The following CLPB variants were observed in gnomAD, a reference collection of about 807,000 sequenced individuals.
CLPB encodes mitochondrial disaggregase.
A neutral mutation model predicts 78.4 loss-of-function variants in CLPB; 40 were observed. The observed-to-expected ratio is 0.51, with a 90% CI of 0.40 to 0.66. The LOEUF (loss-of-function observed/expected upper bound fraction) is 0.66. Ranked by LOEUF, CLPB falls within the 30% of genes least tolerant of loss-of-function variation. CLPB has a pLI of 0.00. For missense variants in CLPB, 780 were observed against 886.9 expected (o/e 0.88, Z 1.53); for synonymous variants, 333 against 348.0 (o/e 0.96, Z 0.48).
intron 5 of CLPB, among the ~76,000 whole-genome samples, chr11:72,356,179 G>C (rs1950709352): frequency 6.6e-6 from 1 of 152,010 alleles, no homozygotes; most frequent in East Asian, 1.9e-4. Flanking sequence ...AGCTACTTGG[G>C]AGGCTGAAGG....
At chr11:72,293,660 A>C (rs1391569016) in intron 15 of CLPB, 45 bp from the exon 16 acceptor site, 1 of 1,577,128 alleles carries the variant, frequency 6.3e-7, no homozygotes, top group Non-Finnish European at 8.6e-7. Context: ...GCCTGGACCC[A>C]GCTTGGAGGT....
chr11:72,340,889 C>T (rs1482410175), intron 5 of CLPB, among the ~76,000 whole-genome samples: 2 of 152,180 alleles, frequency 1.3e-5, no homozygotes, highest in East Asian at 1.9e-4. Flanking sequence ...CTCGCTCTGT[C>T]GTCCACGCTG....
intron 2 of CLPB, among the ~76,000 whole-genome samples, chr11:72,411,159 A>T (rs764541956): frequency 2.0e-5 from 3 of 152,234 alleles, no homozygotes; most frequent in Non-Finnish European, 4.4e-5. Context: ...GGCAGTTGGC[A>T]CACCACAAAG....
intron 2 of CLPB, among the ~76,000 whole-genome samples, chr11:72,412,637 C>G (rs950215317): frequency 2.0e-5 from 3 of 152,228 alleles, no homozygotes; most frequent in Non-Finnish European, 2.9e-5. Context: ...ACTACCCTCT[C>G]TGAACCTCAG....
At chr11:72,310,073 G>T (rs1949817170) in intron 7 of CLPB, among the ~76,000 whole-genome samples, 1 of 152,188 alleles carries the variant, frequency 6.6e-6, no homozygotes, top group East Asian at 1.9e-4. Context: ...GCATGTCAGA[G>T]GTGGAGAGAC....
chr11:72,344,482 G>T (rs1481990548), intron 5 of CLPB, among the ~76,000 whole-genome samples: 3 of 152,114 alleles, frequency 2.0e-5, no homozygotes. Flanking sequence ...AAAGTGGTGG[G>T]ATTGCAGGGG....
intron 7 of CLPB, among the ~76,000 whole-genome samples, chr11:72,315,919 G>C (rs886679932): frequency 3.3e-5 from 5 of 152,314 alleles, no homozygotes; most frequent in African/African-American, 9.6e-5. Flanking sequence ...GACCCAGAGA[G>C]TGCTTCATGC....
chr11:72,366,303 C>A (rs1950941265), intron 4 of CLPB, among the ~76,000 whole-genome samples: 1 of 152,174 alleles, frequency 6.6e-6, no homozygotes, highest in African/African-American at 2.4e-5. Flanking sequence ...CAACTTCCGC[C>A]TCCCAGGCTC....
intron 4 of CLPB, among the ~76,000 whole-genome samples, chr11:72,375,463 C>G (rs1377605391): frequency 6.6e-6 from 1 of 152,184 alleles, no homozygotes; most frequent in Non-Finnish European, 1.5e-5. Flanking sequence ...CACCCAACGC[C>G]TCTGCATAGA....
intron 11 of CLPB, among the ~76,000 whole-genome samples, chr11:72,296,183 G>C (rs1224062070): frequency 3.3e-5 from 5 of 152,240 alleles, no homozygotes; most frequent in African/African-American, 1.2e-4. Flanking sequence ...GTCAGGACTA[G>C]ATGTGGTTAT....
rs551477444 is a variant in CLPB, at chr11:72,424,904, C to A, written c.455+5408G>T. Among the ~76,000 whole-genome samples, 17 of 149,212 alleles carry A rather than the reference C, an allele frequency of 1.1e-4. No individual in the cohort carries two copies. The East Asian group carries it at 2.0e-3, about 17-fold the overall frequency. ...CCGTCTCAAAAAAAACAAAACAAAA[C>A]AAAAAAAAACACAAAAAAAAACTTA... On this transcript the variant is annotated intron_variant, in intron 2 of 15. Coordinates refer to ENST00000538039, the MANE Select transcript of CLPB (RefSeq NM_001258392.3).
intron 2 of CLPB, among the ~76,000 whole-genome samples, chr11:72,403,438 CT>C (rs1490971185): frequency 6.6e-6 from 1 of 152,210 alleles, no homozygotes; most frequent in East Asian, 1.9e-4. Flanking sequence ...GCTCCTTTGC[CT>C]ATTTGAATTC....
intron 9 of CLPB, among the ~76,000 whole-genome samples, chr11:72,303,669 CA>C (rs1006483516): frequency 6.6e-6 from 1 of 152,276 alleles, no homozygotes; most frequent in African/African-American, 2.4e-5. Context: ...CTGCTATCAG[CA>C]CATGGGGCAT....
intron 5 of CLPB, chr11:72,354,310 T>C: frequency 2.5e-6 from 1 of 397,912 alleles, no homozygotes; most frequent in South Asian, 1.3e-4. Flanking sequence ...GCTAGTACCA[T>C]TTTAGATTCC....
rs189255459 is a variant in CLPB at position 72,359,131 on chromosome 11, C to T, written c.647-123G>A. ...TACCTACTTACTAAGCATAAAATGG[C>T]ACCTACTATGTTCCTGGCCATCTGT... is the stretch of plus-strand genomic sequence containing the variant. On this transcript the variant is annotated intron_variant, in intron 4 of 15. Transcript: ENST00000538039. 1.1e-5 allele frequency: 16 copies of T among 1,477,160 alleles called. No individual in the cohort carries two copies. In the Admixed American group the frequency reaches 2.3e-4, roughly 21 times the overall value. The allele number at this position is 1,477,160 out of a possible 1,614,324, so 91.5% of individuals were successfully genotyped here. A position where few individuals can be genotyped will look rare whatever the true frequency, so the allele number is the denominator to read the frequency against.
chr11:72,310,595 G>A (rs1398314052), intron 7 of CLPB, among the ~76,000 whole-genome samples: 1 of 152,214 alleles, frequency 6.6e-6, no homozygotes, highest in Non-Finnish European at 1.5e-5. Flanking sequence ...ATACTGTGTG[G>A]ACATGTGTGT....
rs150619757 is a variant in CLPB at position 72,370,318 on chromosome 11, G to GAC, written c.646+9961_646+9962dup. Among the ~76,000 whole-genome samples the GAC allele has an allele frequency of 5.2e-4, 78 of 151,006 alleles. 1 individual carries two copies. The highest frequency in any genetic ancestry group is 1.4e-3 in the East Asian group (7 of 5,168). On this transcript the variant is annotated intron_variant, in intron 4 of 15. Coordinates refer to ENST00000538039, the MANE Select transcript of CLPB (RefSeq NM_001258392.3). ...GTCTATCTCTCTCTCCTAGGACACA[G>GAC]ACACACACACACACACAGTTTGGAG...
At chr11:72,407,747 C>T (rs369029019) in intron 2 of CLPB, among the ~76,000 whole-genome samples, 43 of 151,902 alleles carry the variant, frequency 2.8e-4, no homozygotes, top group African/African-American at 9.2e-4. Context: ...CCCGAGTTCA[C>T]GCCATTCTCC....
chr11:72,347,817 T>C (rs1459600321), intron 5 of CLPB, among the ~76,000 whole-genome samples: 3 of 152,092 alleles, frequency 2.0e-5, no homozygotes, highest in South Asian at 2.1e-4. Context: ...ACTATCTGAG[T>C]GGGCCCAATA....
Sources: allele counts gnomAD v4.1 joint callset (sites outside exome capture counted in the v4.1 genomes callset), GRCh38; gene constraint gnomAD v4.1.1; transcripts MANE v1.5; gene names NCBI Gene and HGNC (gene_info 2026-07-23, HGNC 2026-07-21).